Variants in PRKG1 observed in about 807,000 individuals in gnomAD.
PRKG1 encodes cGMP-dependent protein kinase 1.
A neutral mutation model predicts 88.1 loss-of-function variants in PRKG1; 35 were observed. The ratio of observed to expected loss-of-function variants is 0.40; its 90% CI spans 0.30 to 0.53. The LOEUF is 0.53. Ranked by LOEUF, PRKG1 falls within the 20% of genes least tolerant of loss-of-function variation. The pLI is 0.59. For synonymous variants in PRKG1, 303 were observed against 292.5 expected, an observed-to-expected ratio of 1.04 and a Z score of -0.37; for missense variants, 540 against 839.8, an observed-to-expected ratio of 0.64 and a Z score of 4.41.
chr10:51,717,730 G>T (rs893115719), intron 3 of PRKG1, among the ~76,000 whole-genome samples: 2 of 151,952 alleles, frequency 1.3e-5, no homozygotes, highest in African/African-American at 4.8e-5. Flanking sequence ...TATTCAGGAG[G>T]CTGAGGCTGG....
intron 9 of PRKG1, among the ~76,000 whole-genome samples, chr10:52,184,302 C>A (rs1244780602): frequency 6.6e-6 from 1 of 152,032 alleles, no homozygotes; most frequent in Non-Finnish European, 1.5e-5. Flanking sequence ...TATGGTTCAA[C>A]CTATGATTTT....
intron 3 of PRKG1, among the ~76,000 whole-genome samples, chr10:51,577,281 G>T (rs973425942): frequency 2.0e-5 from 3 of 151,922 alleles, no homozygotes; most frequent in Admixed American, 1.3e-4. Flanking sequence ...CTAAAAAAAT[G>T]TAAAAAGCAA....
chr10:51,698,307 A>G lies in PRKG1; in HGVS notation c.593-106278A>G. 6.2e-7 allele frequency: 1 copy of G among 1,614,092 alleles called. No individual in the cohort carries two copies. The highest frequency in any genetic ancestry group is 1.1e-5 in the South Asian group (1 of 91,076). On this transcript the variant is annotated intron_variant, in intron 3 of 17. Transcript: ENST00000373980. The stretch of plus-strand genomic sequence containing the variant: ...ATGGCACGAGTCTCCATCGCTCGAG[A>G]ATCTCTACCACCTCTACCATCCATA...
At chr10:51,083,030 T>TA (rs1217849235) in intron 1 of PRKG1, among the ~76,000 whole-genome samples, 1 of 152,222 alleles carries the variant, frequency 6.6e-6, no homozygotes, top group Non-Finnish European at 1.5e-5. Context: ...TGTTGATTGT[T>TA]ACAGACTACT....
intron 4 of PRKG1, among the ~76,000 whole-genome samples, chr10:51,814,913 A>T (rs1839547779): frequency 6.6e-6 from 1 of 152,170 alleles, no homozygotes; most frequent in South Asian, 2.1e-4. Context: ...GCAACTAATT[A>T]ATAAGATAGT....
intron 2 of PRKG1, among the ~76,000 whole-genome samples, chr10:51,155,076 G>A (rs1215705735): frequency 2.0e-5 from 3 of 151,970 alleles, no homozygotes; most frequent in East Asian, 1.9e-4. Flanking sequence ...ATTGTATAAA[G>A]GAAAGTATAC....
At chr10:51,959,350 T>C (rs1422105388) in intron 5 of PRKG1, among the ~76,000 whole-genome samples, 1 of 152,130 alleles carries the variant, frequency 6.6e-6, no homozygotes, top group African/African-American at 2.4e-5. Flanking sequence ...TGCTAGGCAG[T>C]CAAGGATATT....
At chr10:51,176,670 G>A (rs1204256292) in intron 2 of PRKG1, among the ~76,000 whole-genome samples, 1 of 152,110 alleles carries the variant, frequency 6.6e-6, no homozygotes, top group East Asian at 1.9e-4. Context: ...TTTTTCTAAA[G>A]TGGTGACAGG....
intron 2 of PRKG1, among the ~76,000 whole-genome samples, chr10:51,225,037 G>A (rs1838653559): frequency 6.6e-6 from 1 of 152,206 alleles, no homozygotes; most frequent in Non-Finnish European, 1.5e-5. Context: ...AACATGAAAG[G>A]AAATATACAC....
chr10:51,881,007 T>C (rs574947258), intron 4 of PRKG1, among the ~76,000 whole-genome samples: 26 of 140,326 alleles, frequency 1.9e-4, no homozygotes, highest in African/African-American at 6.5e-4. Context: ...AAATGACAAG[T>C]AGGAGTTACT....
rs112311326 is a variant in PRKG1 at position 51,856,537 on chromosome 10, C to CT, written c.699-50962dup. On this transcript the variant is annotated intron_variant, in intron 4 of 17. Coordinates refer to ENST00000373980, the MANE Select transcript of PRKG1 (RefSeq NM_006258.4). Reference sequence around the variant, plus strand: ...GAATTTTGCTTATGTTAACTTAAACCTTTTTTTTGCCCCAGTTTCTTCTTC... The same window carrying CT: ...GAATTTTGCTTATGTTAACTTAAACCTTTTTTTTTGCCCCAGTTTCTTCTTC... Among the ~76,000 whole-genome samples the CT allele has an allele frequency of 7.8e-4, 118 of 151,916 alleles. 2 individuals are homozygous for CT. The highest frequency in any genetic ancestry group is 2.7e-3 in the African/African-American group (111 of 41,440).
At chr10:51,492,030 C>G (rs1445054501) in intron 3 of PRKG1, among the ~76,000 whole-genome samples, 1 of 152,138 alleles carries the variant, frequency 6.6e-6, no homozygotes, top group African/African-American at 2.4e-5. Context: ...CTGCCAATTT[C>G]AATTCAACAA....
rs535417522 is a variant in PRKG1, at chr10:51,662,192, G to A, written c.593-142393G>A. 7.2e-5 allele frequency among the ~76,000 whole-genome samples: 11 copies of A among 152,106 alleles called. No individual in the cohort carries two copies. The South Asian group carries it at 1.0e-3, about 14-fold the overall frequency. ...GTATACATATGTAACAAACCTGCAC[G>A]TTGTTAACATGTACCCTAGAACCTA... On this transcript the variant is annotated intron_variant, in intron 3 of 17. Coordinates refer to ENST00000373980, the MANE Select transcript of PRKG1 (RefSeq NM_006258.4).
chr10:51,156,069 C>T (rs962649666), intron 2 of PRKG1, among the ~76,000 whole-genome samples: 1 of 151,858 alleles, frequency 6.6e-6, no homozygotes, highest in Non-Finnish European at 1.5e-5. Flanking sequence ...CATACTTCCA[C>T]CTAACATGAT....
intron 3 of PRKG1, among the ~76,000 whole-genome samples, chr10:51,604,748 T>C (rs1453837467): frequency 6.6e-6 from 1 of 152,186 alleles, no homozygotes; most frequent in African/African-American, 2.4e-5. Context: ...GACAGGCAGG[T>C]GCAGAGGCCT....
intron 5 of PRKG1, among the ~76,000 whole-genome samples, chr10:52,031,378 T>C (rs182391235): frequency 6.6e-6 from 1 of 152,328 alleles, no homozygotes; most frequent in Admixed American, 6.5e-5. Flanking sequence ...AACAGCTAAA[T>C]AATTAATTTT....
chr10:51,127,505 T>C (rs1331584529), intron 1 of PRKG1, among the ~76,000 whole-genome samples: 1 of 152,186 alleles, frequency 6.6e-6, no homozygotes, highest in Admixed American at 6.5e-5. Flanking sequence ...TTTACACTGT[T>C]GGTAGGAATG....
At chr10:51,325,559 C>T (rs1316810821) in intron 2 of PRKG1, among the ~76,000 whole-genome samples, 5 of 152,280 alleles carry the variant, frequency 3.3e-5, no homozygotes, top group East Asian at 3.9e-4. Context: ...TTCTTCGATA[C>T]TGTAGGTTTT....
chr10:51,535,724 GATT>G (rs1842129722), intron 3 of PRKG1, among the ~76,000 whole-genome samples: 1 of 92,406 alleles, frequency 1.1e-5, no homozygotes, highest in Non-Finnish European at 2.5e-5. Flanking sequence ...TGAAATCAAT[GATT>G]TTTTTTTTTT....
Sources: gnomAD v4.1 joint callset for allele counts (sites outside exome capture counted in the v4.1 genomes callset) on GRCh38, gnomAD v4.1.1 for gene constraint, MANE v1.5 for transcripts, NCBI Gene and HGNC (gene_info 2026-07-23, HGNC 2026-07-21) for gene names.